The following DPF3 variants were observed in gnomAD, a reference collection of about 807,000 sequenced individuals.
DPF3 encodes the protein double PHD fingers 3, also known as zinc finger protein DPF3.
Under a neutral mutation model 56.8 loss-of-function variants are expected in DPF3, and 18 were observed. That is an observed-to-expected ratio of 0.32 (90% CI 0.22 to 0.47). The LOEUF is 0.47. DPF3 is among the 20% of genes least tolerant of loss of function. The pLI is 1.00. For synonymous variants in DPF3, 188 were observed against 180.2 expected (o/e 1.04, Z -0.35); for missense variants, 403 against 488.8 (o/e 0.82, Z 1.65).
chr14:72,758,525 G>A (rs915509435), intron 2 of DPF3, among the ~76,000 whole-genome samples: 1 of 152,140 alleles, frequency 6.6e-6, no homozygotes, highest in Non-Finnish European at 1.5e-5. Context: ...GATCCAGAGG[G>A]TCCCTTTCAA....
In DPF3 at chr14:72,612,454, T is replaced by A. The variant is rs770374588; in HGVS notation, c.*6843A>T. The A allele has an allele frequency of 1.2e-5, 6 of 518,582 alleles. No individual in the cohort carries two copies. The highest frequency in any genetic ancestry group is 8.4e-5 in the South Asian group (6 of 71,500). The allele number at this position is 518,582 out of a possible 1,614,324, so 32.1% of individuals were successfully genotyped here. A position where few individuals can be genotyped will look rare whatever the true frequency, so the allele number is the denominator to read the frequency against. On this transcript the variant is annotated 3_prime_UTR_variant, in exon 11 of 11. Transcript: ENST00000556509. The stretch of plus-strand genomic sequence containing the variant: ...CCTTTTTTTTTTTCTAGTACCTAAT[T>A]TAGGCTTCTTCAACTACATGTTGAA...
intron 8 of DPF3, among the ~76,000 whole-genome samples, chr14:72,635,177 G>A (rs1009519270): frequency 2.0e-5 from 3 of 152,202 alleles, no homozygotes; most frequent in Non-Finnish European, 4.4e-5. Context: ...GGGCTTTTGG[G>A]AGATCAGCAT....
intron 8 of DPF3, chr14:72,662,920 G>T: frequency 5.3e-6 from 4 of 754,748 alleles, no homozygotes; most frequent in Non-Finnish European, 6.4e-6. Flanking sequence ...ATTAAGGGGT[G>T]ACAGAAATGA....
intron 8 of DPF3, among the ~76,000 whole-genome samples, chr14:72,632,721 G>GGAAGGGAAA (rs143619665): frequency 7.9e-6 from 1 of 126,236 alleles, no homozygotes; most frequent in East Asian, 3.0e-4. Flanking sequence ...AGGAAGGGAA[G>GGAAGGGAAA]GAAGGGAAAG....
intron 6 of DPF3, among the ~76,000 whole-genome samples, chr14:72,710,668 G>T (rs1468209466): frequency 6.6e-6 from 1 of 152,226 alleles, no homozygotes; most frequent in African/African-American, 2.4e-5. Context: ...TCTAGGCATT[G>T]CTGTGCAGCT....
At chr14:72,622,559 G>C (rs974180848) in intron 9 of DPF3, among the ~76,000 whole-genome samples, 1 of 152,010 alleles carries the variant, frequency 6.6e-6, no homozygotes, top group Non-Finnish European at 1.5e-5. Flanking sequence ...CAAATAGGTA[G>C]AATATCCTGG....
chr14:72,741,156 A>G (rs888339466), intron 3 of DPF3, among the ~76,000 whole-genome samples: 6 of 152,172 alleles, frequency 3.9e-5, no homozygotes, highest in African/African-American at 1.4e-4. Flanking sequence ...CAGCAAATTC[A>G]TTTTCGGTGT....
Position 72,849,511 on chromosome 14 carries a change from A to G in DPF3, c.32+44546T>C, listed in dbSNP as rs114598246. On this transcript the variant is annotated intron_variant, in intron 1 of 10. Transcript: ENST00000556509. ...CGCCTTCCTGCCTGTCTTTGTGTAC[A>G]ATTCCTGCCAGGCCCGGCAGTTCTC... is the stretch of plus-strand genomic sequence containing the variant. Among the ~76,000 whole-genome samples, 1,407 of 152,208 alleles carry G rather than the reference A, an allele frequency of 9.2e-3. 19 individuals carry two copies. The highest frequency in any genetic ancestry group is 0.032 in the African/African-American group (1,335 of 41,516).
intron 1 of DPF3, among the ~76,000 whole-genome samples, chr14:72,826,443 C>A (rs759534916): frequency 1.3e-5 from 2 of 152,136 alleles, no homozygotes; most frequent in Non-Finnish European, 2.9e-5. Flanking sequence ...AGCCCCTAGA[C>A]GCAAACCTAT....
intron 8 of DPF3, chr14:72,670,399 C>G: frequency 1.0e-6 from 1 of 986,094 alleles, no homozygotes; most frequent in Non-Finnish European, 1.2e-6. Context: ...GGTCAGGGCC[C>G]AGGTGTGGAG....
chr14:72,611,719 T>A lies in DPF3; in HGVS notation c.*7578A>T, dbSNP rs1423570657. 6.6e-6 allele frequency among the ~76,000 whole-genome samples: 1 copy of A among 152,180 alleles called. No individual in the cohort carries two copies. Among genetic ancestry groups the A allele is most frequent in the Non-Finnish European group, 1.5e-5 (1 of 68,030 alleles). On this transcript the variant is annotated 3_prime_UTR_variant, in exon 11 of 11. Transcript: ENST00000556509. ...ACCAGTTTTAATGCTGAGGATGCTG[T>A]CATCCAAGGGCATCCAGTGCTTGGA...
intron 2 of DPF3, among the ~76,000 whole-genome samples, chr14:72,760,723 AAG>A (rs1159006531): frequency 6.6e-6 from 1 of 152,180 alleles, no homozygotes; most frequent in East Asian, 1.9e-4. Context: ...ACCAACAAAA[AAG>A]AGAGAAAACA....
At chr14:72,852,300 C>T (rs947833897) in intron 1 of DPF3, among the ~76,000 whole-genome samples, 2 of 152,214 alleles carry the variant, frequency 1.3e-5, no homozygotes. Flanking sequence ...TGTACCCAGC[C>T]GGGCACCAGA....
At chr14:72,709,121 C>A (rs938208202) in intron 6 of DPF3, among the ~76,000 whole-genome samples, 2 of 152,248 alleles carry the variant, frequency 1.3e-5, no homozygotes, top group Non-Finnish European at 2.9e-5. Flanking sequence ...TCTGATACTA[C>A]CCCCACTGGG....
At chr14:72,654,075 A>G (rs1250219518) in intron 8 of DPF3, among the ~76,000 whole-genome samples, 2 of 152,070 alleles carry the variant, frequency 1.3e-5, no homozygotes, top group African/African-American at 4.8e-5. Context: ...CCTACACATC[A>G]CATGCATCCT....
intron 8 of DPF3, among the ~76,000 whole-genome samples, chr14:72,659,751 T>A (rs928964397): frequency 6.6e-6 from 1 of 152,204 alleles, no homozygotes; most frequent in Non-Finnish European, 1.5e-5. Context: ...AAATTTTGAG[T>A]CACTATAGGA....
intron 8 of DPF3, among the ~76,000 whole-genome samples, chr14:72,652,718 C>A (rs764576473): frequency 6.6e-6 from 1 of 152,126 alleles, no homozygotes; most frequent in African/African-American, 2.4e-5. Flanking sequence ...TAGGTGGGTG[C>A]ATAAAACAGA....
At position 72,609,777 on chromosome 14, in the gene DPF3, G is replaced by A. The variant is rs1184095850; in HGVS notation, c.*9520C>T. On this transcript the variant is annotated 3_prime_UTR_variant, in exon 11 of 11. Coordinates refer to ENST00000556509, the MANE Select transcript of DPF3 (RefSeq NM_001280542.3). ...TTGCTTTTTAGAGAAGCCAGGGTGG[G>A]CCAAATGGAGATATTGTCTCAAGAC... is the stretch of plus-strand genomic sequence containing the variant. Among the ~76,000 whole-genome samples the A allele has an allele frequency of 6.6e-6, 1 of 152,156 alleles. No individual in the cohort carries two copies. Among genetic ancestry groups the A allele is most frequent in the African/African-American group, 2.4e-5 (1 of 41,440 alleles).
At chr14:72,863,078 A>G (rs61986356) in intron 1 of DPF3, among the ~76,000 whole-genome samples, 1 of 15,726 alleles carries the variant, frequency 6.4e-5, no homozygotes, top group Non-Finnish European at 1.0e-4. Context: ...ATATATATAT[A>G]TATATATATA....
Sources: gnomAD v4.1 joint callset for allele counts (sites outside exome capture counted in the v4.1 genomes callset) on GRCh38, gnomAD v4.1.1 for gene constraint, MANE v1.5 for transcripts, NCBI Gene and HGNC (gene_info 2026-07-23, HGNC 2026-07-21) for gene names.